CCDC179: variants seen among roughly 807,000 people sequenced by gnomAD.
CCDC179 encodes the protein coiled-coil domain-containing protein 179.
A neutral mutation model predicts 12.0 loss-of-function variants in CCDC179; 17 were observed. The ratio of observed to expected loss-of-function variants is 1.42; its 90% CI spans 0.97 to 2.13. The LOEUF is 2.13. Among genes scored for constraint, CCDC179 ranks in the 30% most tolerant of loss-of-function variants. The pLI is 0.00. For synonymous variants in CCDC179, 27 were observed against 26.4 expected (o/e 1.02, Z -0.07); for missense variants, 83 against 78.6 (o/e 1.06, Z -0.21).
intron 2 of CCDC179, 145 bp from the exon 3 acceptor site, chr11:22,858,171 G>A (rs1341818475): frequency 2.7e-5 from 14 of 511,664 alleles, no homozygotes; most frequent in African/African-American, 4.0e-5. Flanking sequence ...GAAATAGGGC[G>A]AAAAATCTCT....
intron 1 of CCDC179, 134 bp from the exon 2 acceptor site, chr11:22,859,630 G>A: frequency 8.7e-6 from 4 of 462,076 alleles, no homozygotes; most frequent in African/African-American, 4.0e-5. Flanking sequence ...ATAAGAAGCA[G>A]GTTAAAAAAA....
intron 3 of CCDC179, among the ~76,000 whole-genome samples, chr11:22,854,818 T>G (rs924707645): frequency 1.3e-4 from 19 of 151,738 alleles, no homozygotes; most frequent in Non-Finnish European, 2.5e-4. Flanking sequence ...CAACTGTATG[T>G]TGTTTACAAG....
At chr11:22,859,162 C>G (rs1241162728) in intron 2 of CCDC179, among the ~76,000 whole-genome samples, 1 of 152,066 alleles carries the variant, frequency 6.6e-6, no homozygotes, top group African/African-American at 2.4e-5. Flanking sequence ...TTCAGAAATA[C>G]CTAATATTTT....
intron 1 of CCDC179, 100 bp downstream of exon 1, chr11:22,860,277 T>C: frequency 7.4e-7 from 1 of 1,346,526 alleles, no homozygotes; most frequent in East Asian, 2.6e-5. Flanking sequence ...AAACCACATT[T>C]ACAAGAGTTA....
intron 3 of CCDC179, among the ~76,000 whole-genome samples, chr11:22,851,132 C>A (rs1432603700): frequency 6.6e-6 from 1 of 150,576 alleles, no homozygotes; most frequent in African/African-American, 2.4e-5. Context: ...AAAAGAGAGA[C>A]AAAGATTATG....
chr11:22,859,325 T>G, intron 2 of CCDC179, 127 bp downstream of exon 2: 1 of 470,438 alleles, frequency 2.1e-6, no homozygotes, highest in Non-Finnish European at 3.5e-6. Context: ...GATCCCAGAG[T>G]CCCAAGAAAT....
At chr11:22,855,948 A>C (rs1285102041) in intron 3 of CCDC179, among the ~76,000 whole-genome samples, 1 of 151,468 alleles carries the variant, frequency 6.6e-6, no homozygotes, top group East Asian at 1.9e-4. Context: ...GACTAAATCT[A>C]AAAAGGATTC....
chr11:22,853,742 AG>A (rs1279895968), intron 3 of CCDC179, among the ~76,000 whole-genome samples: 1 of 151,860 alleles, frequency 6.6e-6, no homozygotes. Context: ...AAAGGAAGGA[AG>A]AGAAGGAGGA....
chr11:22,850,962 A>T (rs1258911390), intron 3 of CCDC179, among the ~76,000 whole-genome samples: 167 of 6,702 alleles, frequency 0.025, 14 homozygotes, highest in Non-Finnish European at 0.066. Flanking sequence ...ATATATATAT[A>T]TATATATATA....
intron 2 of CCDC179, among the ~76,000 whole-genome samples, chr11:22,858,559 C>T (rs1164050078): frequency 1.3e-5 from 2 of 151,986 alleles, no homozygotes; most frequent in East Asian, 3.9e-4. Context: ...TATCCACTTC[C>T]AGTGAAGTAT....
In CCDC179 at chr11:22,854,385, T is replaced by G. The variant is rs1055837023; in HGVS notation, c.195+3537A>C. ...CAACAATGTATGTGTTGTTTATATTTTATGGACAAGTGAATGACAATAATG... is the reference window on the plus strand; with the variant it reads ...CAACAATGTATGTGTTGTTTATATTGTATGGACAAGTGAATGACAATAATG... On this transcript the variant is annotated intron_variant, in intron 3 of 3. Transcript: ENST00000532798. Among the ~76,000 whole-genome samples the G allele has an allele frequency of 2.0e-5, 3 of 151,876 alleles. No homozygotes were observed. The South Asian group carries it at 6.2e-4, about 31-fold the overall frequency.
intron 3 of CCDC179, among the ~76,000 whole-genome samples, chr11:22,849,638 A>G (rs1451855249): frequency 6.6e-6 from 1 of 152,102 alleles, no homozygotes; most frequent in Non-Finnish European, 1.5e-5. Context: ...CACTATACCC[A>G]ACGTATAGTC....
At chr11:22,859,787 A>G (rs957577231) in intron 1 of CCDC179, among the ~76,000 whole-genome samples, 1 of 152,188 alleles carries the variant, frequency 6.6e-6, no homozygotes, top group Non-Finnish European at 1.5e-5. Context: ...CGGGAGGGAA[A>G]GAATGTACGA....
In CCDC179 at chr11:22,847,449, T is replaced by C; in HGVS notation, c.*61A>G. 1 of 1,089,108 alleles carries C rather than the reference T, an allele frequency of 9.2e-7. No homozygotes were observed. Among genetic ancestry groups the C allele is most frequent in the African/African-American group, 1.6e-5 (1 of 62,424 alleles). 67.5% of individuals were successfully genotyped at this position (1,089,108 alleles called of 1,614,324 possible). A position where few individuals can be genotyped will look rare whatever the true frequency, so the allele number is the denominator to read the frequency against. ...GATCAATTCATGATATGTCACTTGATGTTCACAATCCACATATTTCTGTCT... is the reference window on the plus strand; with the variant it reads ...GATCAATTCATGATATGTCACTTGACGTTCACAATCCACATATTTCTGTCT... On this transcript the variant is annotated 3_prime_UTR_variant, in exon 4 of 4. Transcript: ENST00000532798.
chr11:22,858,447 G>A (rs535012543), intron 2 of CCDC179, among the ~76,000 whole-genome samples: 231 of 152,070 alleles, frequency 1.5e-3, no homozygotes, highest in African/African-American at 5.2e-3. Flanking sequence ...CCATTGTGTG[G>A]CGTCTACAAG....
At chr11:22,852,309 A>G (rs1858424741) in intron 3 of CCDC179, among the ~76,000 whole-genome samples, 1 of 152,202 alleles carries the variant, frequency 6.6e-6, no homozygotes. Context: ...AATTTAGTTT[A>G]TAGTTTAATA....
At position 22,857,974 on chromosome 11, in the gene CCDC179, CT is replaced by C. The variant is rs1472637127; in HGVS notation, c.142del (p.Arg48AspfsTer2). ...AGGCCTTGAAAACCTTTTATTCAGT[CT>C]CCTCTTCTCTTTCTTTAGGTGTTGC... ...NMQHLKKEKRRLNKRFSRPSP... is the reference protein window; with the variant it reads ...NMQHLKKEKRXLNKRFSRPSP... On this transcript the variant is annotated frameshift_variant, in exon 3 of 4. Transcript: ENST00000532798. LOFTEE classifies it high-confidence loss of function. 3.3e-6 allele frequency: 5 copies of C among 1,528,354 alleles called. No individual in the cohort carries two copies. Among genetic ancestry groups the C allele is most frequent in the Non-Finnish European group, 4.4e-6 (5 of 1,143,608 alleles). 94.7% of individuals were successfully genotyped at this position (1,528,354 alleles called of 1,614,324 possible).
intron 3 of CCDC179, among the ~76,000 whole-genome samples, chr11:22,850,775 CTG>C (rs1858358478): frequency 6.6e-6 from 1 of 151,094 alleles, no homozygotes; most frequent in Non-Finnish European, 1.5e-5. Flanking sequence ...ACCAAAATAA[CTG>C]TGTGTAAATG....
intron 3 of CCDC179, among the ~76,000 whole-genome samples, chr11:22,855,873 A>G (rs1858518513): frequency 6.6e-6 from 1 of 151,462 alleles, no homozygotes; most frequent in Non-Finnish European, 1.5e-5. Context: ...ATGAACATTA[A>G]AAGAATAATA....
Sources: gnomAD v4.1 joint callset for allele counts (sites outside exome capture counted in the v4.1 genomes callset) on GRCh38, gnomAD v4.1.1 for gene constraint, MANE v1.5 for transcripts, NCBI Gene and HGNC (gene_info 2026-07-23, HGNC 2026-07-21) for gene names.